LUZP2: variants seen among roughly 807,000 people sequenced by gnomAD.
LUZP2 encodes leucine zipper protein 2.
Under a neutral mutation model 51.6 loss-of-function variants are expected in LUZP2, and 52 were observed. The observed-to-expected ratio is 1.01, with a 90% confidence interval of 0.81 to 1.27. LUZP2 has a LOEUF of 1.27. Ranked by LOEUF, LUZP2 falls within the 50% of genes most tolerant of loss-of-function variation. The probability of loss-of-function intolerance (pLI) is 0.00; values close to 1 mark genes in which losing one functional copy is unlikely to be tolerated. For missense variants in LUZP2, 436 were observed against 395.4 expected, an observed-to-expected ratio of 1.10 and a Z score of -0.87; for synonymous variants, 154 against 137.3, an observed-to-expected ratio of 1.12 and a Z score of -0.85.
intron 5 of LUZP2, among the ~76,000 whole-genome samples, chr11:24,862,831 A>G (rs536079025): frequency 6.6e-6 from 1 of 152,258 alleles, no homozygotes; most frequent in Non-Finnish European, 1.5e-5. Flanking sequence ...ACTTGAATTC[A>G]GAATATATAA....
At chr11:25,005,230 T>C (rs1035414453) in intron 9 of LUZP2, among the ~76,000 whole-genome samples, 2 of 152,086 alleles carry the variant, frequency 1.3e-5, no homozygotes, top group African/African-American at 4.8e-5. Context: ...GGCTTATCAT[T>C]AATAGGAGGG....
intron 1 of LUZP2, among the ~76,000 whole-genome samples, chr11:24,534,455 T>A (rs751927191): frequency 2.1e-5 from 2 of 94,820 alleles, no homozygotes; most frequent in Non-Finnish European, 2.1e-5. Context: ...TCTAGAAAGA[T>A]AGAGCATAAG....
At chr11:24,625,334 T>C (rs1346835075) in intron 1 of LUZP2, among the ~76,000 whole-genome samples, 5 of 122,290 alleles carry the variant, frequency 4.1e-5, no homozygotes, top group Non-Finnish European at 8.2e-5. Context: ...AGATTTTATG[T>C]GTTCTCATTT....
At chr11:25,074,930 CTTAA>C (rs1859257858) in intron 10 of LUZP2, among the ~76,000 whole-genome samples, 1 of 152,086 alleles carries the variant, frequency 6.6e-6, no homozygotes, top group Non-Finnish European at 1.5e-5. Flanking sequence ...TTTCCCTAAA[CTTAA>C]ATGACAGGAA....
At chr11:25,019,466 T>A (rs1857265042) in intron 9 of LUZP2, among the ~76,000 whole-genome samples, 2 of 152,148 alleles carry the variant, frequency 1.3e-5, no homozygotes, top group Non-Finnish European at 1.5e-5. Flanking sequence ...ATACATACCA[T>A]AAACAATTTA....
chr11:25,055,643 C>T (rs376980950), intron 10 of LUZP2, among the ~76,000 whole-genome samples: 2 of 152,118 alleles, frequency 1.3e-5, no homozygotes, highest in Admixed American at 6.6e-5. Context: ...CATCTCTTAT[C>T]TAATTTCGCT....
intron 5 of LUZP2, among the ~76,000 whole-genome samples, chr11:24,879,945 C>T (rs374305162): frequency 1.2e-3 from 184 of 152,282 alleles, no homozygotes; most frequent in African/African-American, 4.2e-3. Context: ...CAAGCACTTT[C>T]ACAGCTACCC....
intron 9 of LUZP2, among the ~76,000 whole-genome samples, chr11:25,027,758 C>A (rs889963519): frequency 1.3e-5 from 2 of 151,634 alleles, no homozygotes; most frequent in Non-Finnish European, 2.9e-5. Context: ...TTAATCCCAG[C>A]AACTCGGGAG....
chr11:24,961,706 G>T (rs1855413802), intron 7 of LUZP2, among the ~76,000 whole-genome samples: 1 of 152,040 alleles, frequency 6.6e-6, no homozygotes, highest in Non-Finnish European at 1.5e-5. Context: ...TATCCAATTT[G>T]CCTGTCTGTG....
chr11:24,549,447 A>C (rs1365407099), intron 1 of LUZP2, among the ~76,000 whole-genome samples: 6 of 152,124 alleles, frequency 3.9e-5, no homozygotes, highest in Non-Finnish European at 7.4e-5. Context: ...TTTTTTAAAA[A>C]TAAGTCTACG....
At chr11:24,898,708 T>G (rs1230512490) in intron 5 of LUZP2, among the ~76,000 whole-genome samples, 1 of 152,156 alleles carries the variant, frequency 6.6e-6, no homozygotes, top group African/African-American at 2.4e-5. Context: ...CAATTTCTTG[T>G]GTAAAAAATA....
chr11:24,694,785 G>A (rs1857193803), intron 1 of LUZP2, among the ~76,000 whole-genome samples: 1 of 152,012 alleles, frequency 6.6e-6, no homozygotes, highest in Non-Finnish European at 1.5e-5. Flanking sequence ...CATGGATGAA[G>A]CTGGAAACCA....
chr11:24,559,089 C>T (rs1172955907), intron 1 of LUZP2, among the ~76,000 whole-genome samples: 1 of 152,020 alleles, frequency 6.6e-6, no homozygotes, highest in East Asian at 1.9e-4. Flanking sequence ...TATTAGGAAA[C>T]TCCTGTAGAT....
At chr11:25,032,470 A>G (rs1220192651) in intron 9 of LUZP2, among the ~76,000 whole-genome samples, 1 of 152,114 alleles carries the variant, frequency 6.6e-6, no homozygotes, top group Non-Finnish European at 1.5e-5. Context: ...TATTGACATG[A>G]AGATATAATT....
In LUZP2 at chr11:25,080,481, A is replaced by G. The variant is rs2134067239; in HGVS notation, c.*1823A>G. The G allele has an allele frequency of 8.0e-6, 1 of 124,414 alleles. No homozygotes were observed. Among genetic ancestry groups the G allele is most frequent in the East Asian group, 8.8e-4 (1 of 1,140 alleles). 7.7% of individuals were successfully genotyped at this position (124,414 alleles called of 1,614,324 possible). A position where few individuals can be genotyped will look rare whatever the true frequency, so the allele number is the denominator to read the frequency against. ...TATTTTTCATAAAACCGGCTACCCA[A>G]GGAAAAAAATAATTAGCTTTATGGA... On this transcript the variant is annotated 3_prime_UTR_variant, in exon 12 of 12. Transcript: ENST00000336930.
At chr11:24,645,980 G>A (rs924865100) in intron 1 of LUZP2, among the ~76,000 whole-genome samples, 1 of 151,926 alleles carries the variant, frequency 6.6e-6, no homozygotes, top group African/African-American at 2.4e-5. Flanking sequence ...TAGAAATAGG[G>A]GTCCTGGAGG....
intron 10 of LUZP2, among the ~76,000 whole-genome samples, chr11:25,062,902 T>C (rs1858887548): frequency 6.6e-6 from 1 of 151,652 alleles, no homozygotes; most frequent in African/African-American, 2.4e-5. Context: ...CATATTTTTG[T>C]TTGACCAATA....
chr11:24,546,957 TTGTTGTTGG>T (rs1351428405), intron 1 of LUZP2, among the ~76,000 whole-genome samples: 8 of 80,164 alleles, frequency 1.0e-4, no homozygotes, highest in Admixed American at 3.9e-4. Flanking sequence ...GTTGTTGTTG[TTGTTGTTGG>T]TGGTGGTGGT....
chr11:24,581,742 C>A (rs1260528312), intron 1 of LUZP2, among the ~76,000 whole-genome samples: 1 of 147,398 alleles, frequency 6.8e-6, no homozygotes, highest in Non-Finnish European at 1.5e-5. Context: ...AATGTGCTAA[C>A]CTTCATTGAG....
Sources: gnomAD v4.1 joint callset for allele counts (sites outside exome capture counted in the v4.1 genomes callset) on GRCh38, gnomAD v4.1.1 for gene constraint, MANE v1.5 for transcripts, NCBI Gene and HGNC (gene_info 2026-07-23, HGNC 2026-07-21) for gene names.